Variants in TENM3 observed in about 807,000 individuals in gnomAD.
The protein encoded by TENM3 is teneurin transmembrane protein 3.
Under a neutral mutation model 255.1 loss-of-function variants are expected in TENM3, and 63 were observed. The ratio of observed to expected loss-of-function variants is 0.25; its 90% confidence interval spans 0.20 to 0.30. The LOEUF (loss-of-function observed/expected upper bound fraction) is 0.30, where lower values mean the gene tolerates loss of function less well. TENM3 is among the 10% of genes least tolerant of loss of function. The pLI is 1.00. For synonymous variants in TENM3, 1,306 were observed against 1,322.3 expected (o/e 0.99, Z 0.27); for missense variants, 2,929 against 3,461.1 (o/e 0.85, Z 3.86).
chr4:182,657,428 T>C (rs1256952766), intron 6 of TENM3, among the ~76,000 whole-genome samples: 2 of 152,152 alleles, frequency 1.3e-5, no homozygotes, highest in Non-Finnish European at 2.9e-5. Flanking sequence ...CCTCCACATA[T>C]GTGGATCTAT....
the TENM3 span, among the ~76,000 whole-genome samples, chr4:181,801,651 A>AAAATAT: frequency 2.5e-5 from 2 of 80,946 alleles, no homozygotes; most frequent in African/African-American, 8.6e-5. Context: ...AGAATTGTAA[A>AAAATAT]ATATATATAT....
At chr4:181,657,013 C>G in the TENM3 span, among the ~76,000 whole-genome samples, 1 of 152,236 alleles carries the variant, frequency 6.6e-6, no homozygotes, top group Admixed American at 6.5e-5. Context: ...CAAGCTCACC[C>G]AGTGCAATGG....
At chr4:181,813,730 G>A in the TENM3 span, among the ~76,000 whole-genome samples, 48,168 of 152,002 alleles carry the variant, frequency 0.32, 8,013 homozygotes, top group Admixed American at 0.48. Flanking sequence ...CGCCTCTGAG[G>A]GAGGGGAGTG....
At chr4:181,559,027 C>G in the TENM3 span, among the ~76,000 whole-genome samples, 3 of 151,648 alleles carry the variant, frequency 2.0e-5, no homozygotes, top group Admixed American at 6.6e-5. Flanking sequence ...CTTTGTTTAT[C>G]TTCTGTTTGG....
At chr4:181,554,383 C>T in the TENM3 span, among the ~76,000 whole-genome samples, 1 of 152,124 alleles carries the variant, frequency 6.6e-6, no homozygotes, top group Non-Finnish European at 1.5e-5. Flanking sequence ...GTAACTCACT[C>T]AGTTAGGCTT....
chr4:182,482,554 G>C (rs1734303801), intron 3 of TENM3, among the ~76,000 whole-genome samples: 2 of 152,112 alleles, frequency 1.3e-5, no homozygotes, highest in Non-Finnish European at 2.9e-5. Context: ...CTGCACTGTA[G>C]GTTAGAATAC....
At chr4:182,251,089 C>T (rs1176055528) in intron 1 of TENM3, among the ~76,000 whole-genome samples, 3 of 152,182 alleles carry the variant, frequency 2.0e-5, no homozygotes, top group Non-Finnish European at 2.9e-5. Flanking sequence ...TTGAAGGGTT[C>T]GGGGCCTTAA....
intron 3 of TENM3, among the ~76,000 whole-genome samples, chr4:182,573,297 T>C (rs1744593194): frequency 6.6e-6 from 1 of 152,190 alleles, no homozygotes; most frequent in Non-Finnish European, 1.5e-5. Flanking sequence ...GAACCAAATA[T>C]ATATTTTTAT....
chr4:182,392,950 A>G (rs1458999253), intron 3 of TENM3, among the ~76,000 whole-genome samples: 1 of 152,222 alleles, frequency 6.6e-6, no homozygotes, highest in African/African-American at 2.4e-5. Flanking sequence ...TTTGCTAACA[A>G]TTGATGAGAT....
chr4:181,874,257 G>A, the TENM3 span, among the ~76,000 whole-genome samples: 2 of 152,150 alleles, frequency 1.3e-5, no homozygotes, highest in African/African-American at 2.4e-5. Flanking sequence ...ATTTAATCTG[G>A]TTGATCATGT....
chr4:182,483,249 A>T (rs1228548435), intron 3 of TENM3, among the ~76,000 whole-genome samples: 4 of 152,202 alleles, frequency 2.6e-5, no homozygotes, highest in Non-Finnish European at 4.4e-5. Context: ...GTGTCTCTGT[A>T]GCAGAAATAG....
the TENM3 span, among the ~76,000 whole-genome samples, chr4:182,111,416 T>C: frequency 6.6e-6 from 1 of 152,116 alleles, no homozygotes; most frequent in Non-Finnish European, 1.5e-5. Context: ...ACTCCTCTGG[T>C]GCCTTTTTGT....
At chr4:182,303,678 G>A (rs1197492044) in intron 1 of TENM3, among the ~76,000 whole-genome samples, 1 of 152,086 alleles carries the variant, frequency 6.6e-6, no homozygotes, top group Non-Finnish European at 1.5e-5. Flanking sequence ...TTCCTTATGT[G>A]TAAAAACAAG....
the TENM3 span, among the ~76,000 whole-genome samples, chr4:181,970,035 T>C: frequency 6.6e-6 from 1 of 152,238 alleles, no homozygotes; most frequent in Non-Finnish European, 1.5e-5. Context: ...GCTCCCCATT[T>C]GTTCTATTTA....
intron 16 of TENM3, among the ~76,000 whole-genome samples, chr4:182,732,406 T>A (rs768681192): frequency 6.6e-6 from 1 of 152,244 alleles, no homozygotes; most frequent in Non-Finnish European, 1.5e-5. Context: ...AATATAACTT[T>A]TTAAGAAATA....
the TENM3 span, among the ~76,000 whole-genome samples, chr4:182,024,883 A>G: frequency 6.6e-6 from 1 of 151,838 alleles, no homozygotes; most frequent in Non-Finnish European, 1.5e-5. Flanking sequence ...CTATCTCCAT[A>G]AGTTCAATCT....
chr4:181,505,450 CTATT>C, the TENM3 span, among the ~76,000 whole-genome samples: 22 of 152,112 alleles, frequency 1.4e-4, no homozygotes, highest in African/African-American at 5.1e-4. Context: ...TGTTGAGAAC[CTATT>C]TATTTTCTTT....
rs118161130 is a variant in TENM3, at chr4:182,732,763, G to A, written c.2967+1624G>A. Among the ~76,000 whole-genome samples, 1,383 of 152,256 alleles carry A rather than the reference G, an allele frequency of 9.1e-3. 18 individuals are homozygous for A. The highest frequency in any genetic ancestry group is 0.046 in the East Asian group (236 of 5,170). On this transcript the variant is annotated intron_variant, in intron 16 of 27. Transcript: ENST00000511685. ...GATCACTTCAGCCCAGAGAGGTCAA[G>A]GCTGCATGAGCCATGAGTGCCACTG...
intron 24 of TENM3, among the ~76,000 whole-genome samples, chr4:182,788,387 G>A (rs941033646): frequency 6.6e-5 from 10 of 152,186 alleles, no homozygotes; most frequent in Non-Finnish European, 7.3e-5. Flanking sequence ...TTTAGTCCAA[G>A]GCTCTGGACG....
Sources: allele counts gnomAD v4.1 joint callset (sites outside exome capture counted in the v4.1 genomes callset), GRCh38; gene constraint gnomAD v4.1.1; transcripts MANE v1.5; gene names NCBI Gene and HGNC (gene_info 2026-07-23, HGNC 2026-07-21).